IPCEF1: variants seen among roughly 807,000 people sequenced by gnomAD.
The protein encoded by IPCEF1 is interactor protein for cytohesin exchange factors 1.
IPCEF1 carries 31 observed loss-of-function variants against 50.9 expected under a neutral mutation model. That is an observed-to-expected ratio of 0.61 (90% CI 0.46 to 0.82). The LOEUF (loss-of-function observed/expected upper bound fraction) is 0.82, where lower values mean the gene tolerates loss of function less well. Among genes scored for constraint, IPCEF1 ranks in the 40% least tolerant of loss-of-function variants. IPCEF1 has a pLI of 0.00. For missense variants in IPCEF1, 458 were observed against 514.0 expected (o/e 0.89, Z 1.05); for synonymous variants, 181 against 192.0 (o/e 0.94, Z 0.47).
chr6:154,277,973 C>T (rs1263432576), intron 2 of IPCEF1, among the ~76,000 whole-genome samples: 3 of 152,080 alleles, frequency 2.0e-5, no homozygotes, highest in African/African-American at 4.8e-5. Context: ...GGTACCGCAC[C>T]CACCTCCTCA....
chr6:154,331,638 T>A (rs570603873), intron 1 of IPCEF1, among the ~76,000 whole-genome samples: 1 of 152,084 alleles, frequency 6.6e-6, no homozygotes, highest in Admixed American at 6.5e-5. Context: ...CCCAATAAGA[T>A]CCCAGGCATT....
intron 9 of IPCEF1, among the ~76,000 whole-genome samples, chr6:154,204,032 T>C (rs1443819195): frequency 6.6e-6 from 1 of 152,240 alleles, no homozygotes; most frequent in Non-Finnish European, 1.5e-5. Context: ...TGTATGTGGT[T>C]TCATTCCTTT....
At chr6:154,182,193 C>T (rs1157858101) in intron 10 of IPCEF1, among the ~76,000 whole-genome samples, 1 of 152,076 alleles carries the variant, frequency 6.6e-6, no homozygotes, top group Non-Finnish European at 1.5e-5. Context: ...ACAAGAGTAG[C>T]TTCATTTTGA....
chr6:154,276,404 A>T (rs1782064215), intron 2 of IPCEF1, among the ~76,000 whole-genome samples: 1 of 152,234 alleles, frequency 6.6e-6, no homozygotes, highest in Non-Finnish European at 1.5e-5. Context: ...AAGAGAGACC[A>T]TAAGGAGATA....
At chr6:154,215,301 G>T (rs74939498) in intron 7 of IPCEF1, among the ~76,000 whole-genome samples, 6,075 of 151,946 alleles carry the variant, frequency 0.04, 365 homozygotes, top group African/African-American at 0.13. Context: ...TGTTATTTTT[G>T]AATAGAAAAT....
At chr6:154,246,813 A>G (rs1781078014) in intron 4 of IPCEF1, 53 bp from the exon 5 acceptor site, 1 of 1,585,978 alleles carries the variant, frequency 6.3e-7, no homozygotes, top group Non-Finnish European at 8.6e-7. Context: ...TTTGGTAGGT[A>G]AAGTATTATC....
rs1178367412 is a variant in IPCEF1 at position 154,331,421 on chromosome 6, AAG to A, written c.-62+25249_-62+25250del. The stretch of plus-strand genomic sequence containing the variant: ...AAAGAAAGAAAGAGAGAGAAAAAGA[AAG>A]AGAGAGAGAGAAAGAAAGAGAACGA... On this transcript the variant is annotated intron_variant, in intron 1 of 11. Transcript: ENST00000367220. Among the ~76,000 whole-genome samples the A allele has an allele frequency of 4.9e-4, 72 of 148,324 alleles. 1 individual carries two copies. In the South Asian group the frequency reaches 5.4e-3, roughly 11 times the overall value.
chr6:154,319,927 A>G (rs909841182), intron 1 of IPCEF1, among the ~76,000 whole-genome samples: 3 of 152,218 alleles, frequency 2.0e-5, no homozygotes, highest in African/African-American at 7.2e-5. Flanking sequence ...CAACATAAAT[A>G]TCTGTTCTAA....
intron 1 of IPCEF1, among the ~76,000 whole-genome samples, chr6:154,347,001 C>T (rs970541365): frequency 6.6e-6 from 1 of 152,188 alleles, no homozygotes; most frequent in African/African-American, 2.4e-5. Flanking sequence ...TCACCCTCAA[C>T]CCCAATTCTC....
In IPCEF1 at chr6:154,176,431, C is replaced by A. The variant is rs1055402440; in HGVS notation, c.911-8318G>T. Reference sequence around the variant, plus strand: ...TTGTATATTTAGAAAACCCCATCATCTCAGCCCAAAATCTCCTTAAGCTGA... The same window carrying A: ...TTGTATATTTAGAAAACCCCATCATATCAGCCCAAAATCTCCTTAAGCTGA... On this transcript the variant is annotated intron_variant, in intron 10 of 11. Coordinates refer to ENST00000367220, the MANE Select transcript of IPCEF1 (RefSeq NM_001130700.2). Among the ~76,000 whole-genome samples, 23 of 152,268 alleles carry A rather than the reference C, an allele frequency of 1.5e-4. 1 individual carries two copies. Among genetic ancestry groups the A allele is most frequent in the Admixed American group, 3.3e-4 (5 of 15,300 alleles).
intron 3 of IPCEF1, among the ~76,000 whole-genome samples, chr6:154,253,828 C>T (rs1781396065): frequency 6.6e-6 from 1 of 152,140 alleles, no homozygotes; most frequent in Admixed American, 6.5e-5. Context: ...TCTCCTTCTA[C>T]CTGTTTATTT....
chr6:154,192,407 A>G (rs1242595784), intron 10 of IPCEF1, among the ~76,000 whole-genome samples: 1 of 151,930 alleles, frequency 6.6e-6, no homozygotes, highest in African/African-American at 2.4e-5. Flanking sequence ...ACACTCTTCT[A>G]TGTATATGAT....
intron 5 of IPCEF1, among the ~76,000 whole-genome samples, chr6:154,230,392 T>A (rs1011665889): frequency 8.5e-5 from 13 of 152,292 alleles, no homozygotes; most frequent in Non-Finnish European, 1.8e-4. Context: ...TCTAAAAAAA[T>A]TAAGTCTTTT....
intron 1 of IPCEF1, among the ~76,000 whole-genome samples, chr6:154,335,807 A>G (rs1783776220): frequency 6.6e-6 from 1 of 152,238 alleles, no homozygotes; most frequent in Admixed American, 6.5e-5. Context: ...ACAGTAACAA[A>G]TCAAATAATC....
intron 1 of IPCEF1, among the ~76,000 whole-genome samples, chr6:154,290,449 T>G (rs1782485193): frequency 6.6e-6 from 1 of 152,204 alleles, no homozygotes; most frequent in South Asian, 2.1e-4. Flanking sequence ...TTGGCACTTT[T>G]CCAAGTGTAC....
chr6:154,296,103 T>C (rs1293200700), intron 1 of IPCEF1, among the ~76,000 whole-genome samples: 1 of 152,190 alleles, frequency 6.6e-6, no homozygotes, highest in East Asian at 1.9e-4. Flanking sequence ...CTGTGGGCTC[T>C]GTGCATACAT....
chr6:154,296,604 CAGATCACGAGGTCAGG>C (rs1442657519), intron 1 of IPCEF1, among the ~76,000 whole-genome samples: 1 of 152,048 alleles, frequency 6.6e-6, no homozygotes, highest in African/African-American at 2.4e-5. Flanking sequence ...CCGAGGAGGG[CAGATCACGAGGTCAGG>C]AGATCAAGAC....
At chr6:154,301,559 C>G (rs1407736188) in intron 1 of IPCEF1, among the ~76,000 whole-genome samples, 2 of 152,158 alleles carry the variant, frequency 1.3e-5, no homozygotes, top group African/African-American at 4.8e-5. Context: ...GGCTGGTTCT[C>G]AATCCGTGTC....
At chr6:154,262,136 G>A (rs534332139) in intron 3 of IPCEF1, among the ~76,000 whole-genome samples, 18 of 152,286 alleles carry the variant, frequency 1.2e-4, no homozygotes, top group South Asian at 1.0e-3. Context: ...AGACACTGAC[G>A]GCTGTGAGAT....
Sources: allele counts gnomAD v4.1 joint callset (sites outside exome capture counted in the v4.1 genomes callset), GRCh38; gene constraint gnomAD v4.1.1; transcripts MANE v1.5; gene names NCBI Gene and HGNC (gene_info 2026-07-23, HGNC 2026-07-21).